IFT88: variants seen among roughly 807,000 people sequenced by gnomAD.
IFT88 encodes intraflagellar transport 88.
Under a neutral mutation model 119.5 loss-of-function variants are expected in IFT88, and 74 were observed. The ratio of observed to expected loss-of-function variants is 0.62; its 90% CI spans 0.51 to 0.75. The LOEUF (loss-of-function observed/expected upper bound fraction) is 0.75. Among genes scored for constraint, IFT88 ranks in the 30% least tolerant of loss-of-function variants. The probability of loss-of-function intolerance (pLI) is 0.00; values close to 1 mark genes in which losing one functional copy is unlikely to be tolerated. For synonymous variants in IFT88, 279 were observed against 316.7 expected, an observed-to-expected ratio of 0.88 and a Z score of 1.26; for missense variants, 961 against 977.7, an observed-to-expected ratio of 0.98 and a Z score of 0.23.
intron 13 of IFT88, among the ~76,000 whole-genome samples, chr13:20,610,304 T>C (rs746224279): frequency 1.3e-5 from 2 of 152,106 alleles, no homozygotes; most frequent in Non-Finnish European, 2.9e-5. Flanking sequence ...GTAAATACTT[T>C]GGTCCCAAGC....
At chr13:20,603,164 C>CT (rs1405450949) in intron 12 of IFT88, among the ~76,000 whole-genome samples, 4 of 152,132 alleles carry the variant, frequency 2.6e-5, no homozygotes, top group African/African-American at 9.7e-5. Flanking sequence ...AAAATTGCCT[C>CT]TATTTGTAGA....
Position 20,641,299 on chromosome 13 carries a change from A to G in IFT88, c.1583A>G (p.Tyr528Cys), listed in dbSNP as rs537967756. The G allele has an allele frequency of 5.4e-5, 87 of 1,605,444 alleles. No homozygotes were observed. The South Asian group carries it at 7.3e-4, about 14-fold the overall frequency. Reference sequence around the variant, plus strand: ...TTCTTCTTTTTTTAAGGCCTTACCTATGAGAAACTAAATCGGCTAGATGAG... The same window carrying G: ...TTCTTCTTTTTTTAAGGCCTTACCTGTGAGAAACTAAATCGGCTAGATGAG... Reference protein sequence around the residue: ...TEALYNIGLTYEKLNRLDEAL... With the variant: ...TEALYNIGLTCEKLNRLDEAL... Residue 528 changes from tyrosine to cysteine, a missense_variant, in exon 18 of 26, where the codon TAT becomes TGT. Transcript: ENST00000351808.
chr13:20,623,958 A>G (rs1367852047), intron 14 of IFT88, among the ~76,000 whole-genome samples: 2 of 152,168 alleles, frequency 1.3e-5, no homozygotes, highest in African/African-American at 4.8e-5. Context: ...AGATAAATGG[A>G]AGTGAATTTT....
chr13:20,573,563 G>C (rs769524134), intron 1 of IFT88, among the ~76,000 whole-genome samples: 3 of 152,014 alleles, frequency 2.0e-5, no homozygotes, highest in Non-Finnish European at 2.9e-5. Flanking sequence ...AAATATTTTT[G>C]AGTGGAATTG....
chr13:20,690,284 G>GT (rs1262277719), intron 24 of IFT88, among the ~76,000 whole-genome samples: 5 of 152,070 alleles, frequency 3.3e-5, no homozygotes, highest in Non-Finnish European at 7.4e-5. Flanking sequence ...GAAATTTCTG[G>GT]TTAAAAAGTA....
chr13:20,686,716 A>G (rs761797730), intron 24 of IFT88, among the ~76,000 whole-genome samples: 3 of 152,166 alleles, frequency 2.0e-5, no homozygotes, highest in Non-Finnish European at 4.4e-5. Context: ...TTCCCTGTAC[A>G]GTTATTTTTT....
intron 3 of IFT88, among the ~76,000 whole-genome samples, chr13:20,588,060 C>CT (rs1487673437): frequency 1.5e-5 from 2 of 135,266 alleles, no homozygotes; most frequent in African/African-American, 5.5e-5. Context: ...TTCTTTTTTG[C>CT]TTGTTTTTTA....
At chr13:20,690,647 G>GT in intron 24 of IFT88, 58 bp from the exon 25 acceptor site, 1 of 1,116,854 alleles carries the variant, frequency 9.0e-7, no homozygotes, top group Non-Finnish European at 1.4e-6. Context: ...GATGCATAAT[G>GT]TAGTTTTATG....
At chr13:20,583,118 G>T (rs200940392) in intron 3 of IFT88, 99 bp downstream of exon 3, 1 of 669,646 alleles carries the variant, frequency 1.5e-6, no homozygotes, top group African/African-American at 1.8e-5. Flanking sequence ...TAGTGTTAAA[G>T]ATTATAACCA....
At chr13:20,571,580 G>A (rs1358414900) in intron 1 of IFT88, among the ~76,000 whole-genome samples, 1 of 152,150 alleles carries the variant, frequency 6.6e-6, no homozygotes, top group Non-Finnish European at 1.5e-5. Context: ...TCAAAATGTA[G>A]AGATGAATCT....
chr13:20,614,540 A>G (rs1459804747), intron 13 of IFT88: 1 of 152,180 alleles, frequency 6.6e-6, no homozygotes, highest in Non-Finnish European at 1.5e-5. Context: ...TGGAGATCAG[A>G]TTAATGGTTG....
intron 13 of IFT88, among the ~76,000 whole-genome samples, chr13:20,606,576 T>G (rs969992296): frequency 1.3e-5 from 2 of 152,178 alleles, no homozygotes; most frequent in African/African-American, 4.8e-5. Flanking sequence ...AATGTCCAAG[T>G]GTTCATTAAG....
At chr13:20,608,977 CT>C (rs1288841180) in intron 13 of IFT88, among the ~76,000 whole-genome samples, 1 of 152,152 alleles carries the variant, frequency 6.6e-6, no homozygotes, top group East Asian at 1.9e-4. Context: ...TTCTATGGCA[CT>C]TATCTTTTGA....
intron 18 of IFT88, chr13:20,642,389 A>G (rs1005850825): frequency 6.6e-6 from 1 of 152,196 alleles, no homozygotes; most frequent in Non-Finnish European, 1.5e-5. Flanking sequence ...GGATCATTTG[A>G]AGTCAGGAGT....
chr13:20,637,337 T>C (rs1259533272), intron 16 of IFT88, among the ~76,000 whole-genome samples: 4 of 152,170 alleles, frequency 2.6e-5, no homozygotes, highest in Admixed American at 1.3e-4. Flanking sequence ...GTGAGTGTTA[T>C]GGGAAAAGGG....
chr13:20,651,534 G>C (rs1290312999), intron 20 of IFT88, among the ~76,000 whole-genome samples: 1 of 150,824 alleles, frequency 6.6e-6, no homozygotes, highest in Non-Finnish European at 1.5e-5. Flanking sequence ...AACAACCTAG[G>C]TGTCCATCAA....
intron 23 of IFT88, among the ~76,000 whole-genome samples, chr13:20,668,647 A>C (rs545069901): frequency 6.6e-6 from 1 of 152,324 alleles, no homozygotes; most frequent in African/African-American, 2.4e-5. Context: ...ATGAAGGAGA[A>C]AGACAAACCG....
At chr13:20,674,443 AT>A (rs1292530383) in intron 24 of IFT88, among the ~76,000 whole-genome samples, 1 of 152,034 alleles carries the variant, frequency 6.6e-6, no homozygotes. Context: ...TTTGTGACTT[AT>A]TTTGAGTATG....
rs571760441 is a variant in IFT88 at position 20,581,715 on chromosome 13, T to C, written c.91-1242T>C. Among the ~76,000 whole-genome samples, 261 of 152,076 alleles carry C rather than the reference T, an allele frequency of 1.7e-3. 1 individual carries two copies. The highest frequency in any genetic ancestry group is 6.0e-3 in the African/African-American group (250 of 41,464). ...AAAAAATACAAAAATTAGCAGGTTGTGGTAGTGTGTGCCTGTAGTCCCAGC... is the reference window on the plus strand; with the variant it reads ...AAAAAATACAAAAATTAGCAGGTTGCGGTAGTGTGTGCCTGTAGTCCCAGC... On this transcript the variant is annotated intron_variant, in intron 2 of 25. Coordinates refer to ENST00000351808, the MANE Select transcript of IFT88 (RefSeq NM_006531.5).
Sources: allele counts gnomAD v4.1 joint callset (sites outside exome capture counted in the v4.1 genomes callset), GRCh38; gene constraint gnomAD v4.1.1; transcripts MANE v1.5; gene names NCBI Gene and HGNC (gene_info 2026-07-23, HGNC 2026-07-21).